The following NELL1 variants were observed in gnomAD, a reference collection of about 807,000 sequenced individuals.
The protein encoded by NELL1 is protein kinase C-binding protein NELL1.
A neutral mutation model predicts 107.4 loss-of-function variants in NELL1; 76 were observed. That is an observed-to-expected ratio of 0.71 (90% CI 0.59 to 0.86). The LOEUF (loss-of-function observed/expected upper bound fraction) is 0.86. Among genes scored for constraint, NELL1 ranks in the 40% least tolerant of loss-of-function variants. NELL1 has a pLI of 0.00. For synonymous variants in NELL1, 353 were observed against 341.2 expected (o/e 1.03, Z -0.38); for missense variants, 1,024 against 1,005.5 (o/e 1.02, Z -0.25).
chr11:21,542,395 G>C (rs985932195), intron 16 of NELL1, among the ~76,000 whole-genome samples: 5 of 151,976 alleles, frequency 3.3e-5, no homozygotes. Flanking sequence ...AGAGCAGTTG[G>C]AGATTGAAAA....
At chr11:20,956,991 G>GA (rs141566862) in intron 11 of NELL1, among the ~76,000 whole-genome samples, 34 of 151,528 alleles carry the variant, frequency 2.2e-4, no homozygotes, top group Admixed American at 1.1e-3. Context: ...GTAAGGGGGA[G>GA]AAAAAAAACA....
chr11:20,915,059 A>C (rs1043689817), intron 5 of NELL1, among the ~76,000 whole-genome samples: 10 of 152,064 alleles, frequency 6.6e-5, no homozygotes. Context: ...TATTGTGTTT[A>C]CTATGTGAAA....
At chr11:21,372,453 T>C (rs1187924938) in intron 15 of NELL1, among the ~76,000 whole-genome samples, 1 of 152,064 alleles carries the variant, frequency 6.6e-6, no homozygotes, top group Non-Finnish European at 1.5e-5. Flanking sequence ...GATTTTTAAA[T>C]GAATATTTTA....
intron 3 of NELL1, among the ~76,000 whole-genome samples, chr11:20,811,298 T>C (rs1857496899): frequency 6.6e-6 from 1 of 152,134 alleles, no homozygotes; most frequent in African/African-American, 2.4e-5. Flanking sequence ...CCTTTTCCAT[T>C]GTTGCATGTC....
intron 13 of NELL1, among the ~76,000 whole-genome samples, chr11:21,222,722 A>ATT (rs1395571374): frequency 1.3e-5 from 2 of 151,850 alleles, no homozygotes; most frequent in East Asian, 3.9e-4. Context: ...GTTTTGGTAT[A>ATT]TTGTGTTTCT....
intron 2 of NELL1, among the ~76,000 whole-genome samples, chr11:20,702,683 C>T (rs1387313500): frequency 6.6e-6 from 1 of 152,156 alleles, no homozygotes; most frequent in Non-Finnish European, 1.5e-5. Flanking sequence ...AGATACGTCC[C>T]ATCAATACCT....
intron 3 of NELL1, among the ~76,000 whole-genome samples, chr11:20,789,778 A>T (rs1342454796): frequency 6.6e-6 from 1 of 152,190 alleles, no homozygotes. Context: ...ACAGGTGTTC[A>T]GCTCCTAATA....
At chr11:21,279,185 C>T (rs1225358466) in intron 14 of NELL1, among the ~76,000 whole-genome samples, 1 of 152,030 alleles carries the variant, frequency 6.6e-6, no homozygotes, top group Non-Finnish European at 1.5e-5. Context: ...TAGAAGATAA[C>T]AGGAGAAATT....
intron 13 of NELL1, among the ~76,000 whole-genome samples, chr11:21,147,137 A>G (rs944431230): frequency 4.6e-5 from 7 of 152,190 alleles, no homozygotes; most frequent in Admixed American, 3.9e-4. Context: ...ATTTCCTTAG[A>G]ACCCCTTTTA....
At chr11:21,047,103 A>G (rs1447010838) in intron 12 of NELL1, among the ~76,000 whole-genome samples, 3 of 152,106 alleles carry the variant, frequency 2.0e-5, no homozygotes, top group Admixed American at 2.0e-4. Flanking sequence ...ACTGTTGGAG[A>G]CTGGAGGATC....
chr11:21,280,121 A>G (rs1590799932), intron 14 of NELL1, among the ~76,000 whole-genome samples: 3 of 152,178 alleles, frequency 2.0e-5, no homozygotes, highest in Admixed American at 1.3e-4. Context: ...CTGTAATGAT[A>G]CTACAATGGT....
intron 15 of NELL1, among the ~76,000 whole-genome samples, chr11:21,381,736 A>G (rs61885513): frequency 2.0e-5 from 3 of 151,716 alleles, no homozygotes; most frequent in Non-Finnish European, 4.4e-5. Context: ...TTTTATTTGT[A>G]TCATCTTTCC....
At chr11:21,573,576 C>G (rs140671326) in intron 19 of NELL1, among the ~76,000 whole-genome samples, 167 bp downstream of exon 19, 1 of 151,812 alleles carries the variant, frequency 6.6e-6, no homozygotes, top group Non-Finnish European at 1.5e-5. Flanking sequence ...ATTATCATAG[C>G]TGCACCCTGT....
intron 11 of NELL1, among the ~76,000 whole-genome samples, chr11:20,957,391 C>T (rs1851197399): frequency 1.3e-5 from 2 of 152,204 alleles, no homozygotes; most frequent in Admixed American, 6.5e-5. Context: ...GTTGATAGTT[C>T]CCTCAGACCC....
chr11:20,829,281 C>G (rs1232850829), intron 3 of NELL1, among the ~76,000 whole-genome samples: 1 of 140,108 alleles, frequency 7.1e-6, no homozygotes, highest in Non-Finnish European at 1.5e-5. Context: ...CGCTAGAGTG[C>G]AGTGGTGCAA....
intron 13 of NELL1, among the ~76,000 whole-genome samples, chr11:21,201,589 T>C (rs1857271386): frequency 6.6e-6 from 1 of 152,204 alleles, no homozygotes; most frequent in South Asian, 2.1e-4. Flanking sequence ...CTATTTGACT[T>C]CCTCTCTTCC....
intron 14 of NELL1, among the ~76,000 whole-genome samples, chr11:21,280,849 G>T (rs143338252): frequency 1.3e-5 from 2 of 151,856 alleles, no homozygotes; most frequent in Non-Finnish European, 2.9e-5. Flanking sequence ...ATTATTTAAG[G>T]TTCCAAAGCC....
At chr11:21,035,295 G>T (rs1341636094) in intron 12 of NELL1, among the ~76,000 whole-genome samples, 1 of 151,988 alleles carries the variant, frequency 6.6e-6, no homozygotes, top group Admixed American at 6.6e-5. Context: ...TCTACCAGAT[G>T]TACAAAGAAG....
intron 13 of NELL1, among the ~76,000 whole-genome samples, chr11:21,214,751 A>G (rs778636405): frequency 7.6e-5 from 10 of 132,068 alleles, no homozygotes; most frequent in Non-Finnish European, 1.4e-4. Flanking sequence ...TAAATGAGAA[A>G]CTATAGATAT....
Sources: allele counts gnomAD v4.1 joint callset (sites outside exome capture counted in the v4.1 genomes callset), GRCh38; gene constraint gnomAD v4.1.1; transcripts MANE v1.5; gene names NCBI Gene and HGNC (gene_info 2026-07-23, HGNC 2026-07-21).